The following GALP variants were observed in gnomAD, a reference collection of about 807,000 sequenced individuals.
The protein encoded by GALP is galanin like peptide.
A neutral mutation model predicts 15.2 loss-of-function variants in GALP; 12 were observed. The ratio of observed to expected loss-of-function variants is 0.79; its 90% CI spans 0.51 to 1.28. GALP has a LOEUF of 1.28. GALP is among the 50% of genes most tolerant of loss of function. The pLI, the probability that GALP is intolerant of heterozygous loss-of-function variation, is 0.00. For synonymous variants in GALP, 58 were observed against 55.1 expected, an observed-to-expected ratio of 1.05 and a Z score of -0.23; for missense variants, 161 against 145.6, an observed-to-expected ratio of 1.11 and a Z score of -0.55.
At position 56,183,073 on chromosome 19, in the gene GALP, C is replaced by T. The variant is rs112817488; in HGVS notation, c.218-62C>T. ...TCCCGTCTTTGTGTCTGTGTGTTCTCATCGTTTAGCTCCCACTTGTAACTA... is the reference window on the plus strand; with the variant it reads ...TCCCGTCTTTGTGTCTGTGTGTTCTTATCGTTTAGCTCCCACTTGTAACTA... On this transcript the variant is annotated intron_variant, in intron 4 of 5. Coordinates refer to ENST00000357330, the MANE Select transcript of GALP (RefSeq NM_033106.4). 96 of 1,179,768 alleles carry T rather than the reference C, an allele frequency of 8.1e-5. No individual in the cohort carries two copies. In the African/African-American group the frequency reaches 1.1e-3, roughly 13 times the overall value. 73.1% of individuals were successfully genotyped at this position (1,179,768 alleles called of 1,614,324 possible). A position where few individuals can be genotyped will look rare whatever the true frequency, so the allele number is the denominator to read the frequency against.
In GALP at chr19:56,183,756, T is replaced by C. The variant is rs553571728; in HGVS notation, c.295+544T>C. Among the ~76,000 whole-genome samples the C allele has an allele frequency of 8.8e-4, 134 of 151,980 alleles. 1 individual carries two copies. The highest frequency in any genetic ancestry group is 3.6e-3 in the Admixed American group (55 of 15,242). The stretch of plus-strand genomic sequence containing the variant: ...GGGATTACAGGCACGCGCCACCATG[T>C]CCGGCTAATTTTTGTATTTTTAGTA... On this transcript the variant is annotated intron_variant, in intron 5 of 5. Transcript: ENST00000357330.
chr19:56,180,202 C>A (rs11084424), intron 2 of GALP, among the ~76,000 whole-genome samples: 32,923 of 152,166 alleles, frequency 0.22, 4,239 homozygotes, highest in East Asian at 0.6. Flanking sequence ...ATGAGCACCA[C>A]CCCCAGGCTT....
chr19:56,184,626 G>A (rs2032624554), intron 5 of GALP, among the ~76,000 whole-genome samples: 1 of 151,538 alleles, frequency 6.6e-6, no homozygotes, highest in South Asian at 2.1e-4. Context: ...TGGGACTACA[G>A]GTGCCCACCA....
chr19:56,182,493 G>A (rs2032584364), intron 4 of GALP, among the ~76,000 whole-genome samples: 1 of 152,152 alleles, frequency 6.6e-6, no homozygotes, highest in Non-Finnish European at 1.5e-5. Context: ...TGGGCCCCGT[G>A]TTTTCTCTGC....
chr19:56,180,104 G>C (rs2032537512), intron 2 of GALP, among the ~76,000 whole-genome samples: 1 of 152,286 alleles, frequency 6.6e-6, no homozygotes, highest in East Asian at 1.9e-4. Context: ...GTAGAGGCGA[G>C]ATTTCGCCAT....
rs569960048 is a variant in GALP at position 56,181,768 on chromosome 19, C to G, written c.137-404C>G. Among the ~76,000 whole-genome samples the G allele has an allele frequency of 1.3e-5, 2 of 152,256 alleles. 1 individual carries two copies. The highest frequency in any genetic ancestry group is 3.9e-4 in the East Asian group (2 of 5,178). ...TTTCTCCAGTTGCATCTTCCCTGGG[C>G]AATAGGTGTGCCCATGGCCACGTGC... On this transcript the variant is annotated intron_variant, in intron 3 of 5. Transcript: ENST00000357330.
At chr19:56,179,554 G>A (rs2032526566) in intron 2 of GALP, among the ~76,000 whole-genome samples, 1 of 151,288 alleles carries the variant, frequency 6.6e-6, no homozygotes, top group Non-Finnish European at 1.5e-5. Context: ...TCCTGACCTC[G>A]TGATCCGCCA....
At chr19:56,180,915 CT>C (rs1174325788) in intron 3 of GALP, among the ~76,000 whole-genome samples, 140 of 40,146 alleles carry the variant, frequency 3.5e-3, no homozygotes, top group African/African-American at 0.011. Flanking sequence ...TTCTTTCTTT[CT>C]TTTTTTTTTT....
chr19:56,182,879 T>G (rs1164594035), intron 4 of GALP, among the ~76,000 whole-genome samples: 1 of 152,094 alleles, frequency 6.6e-6, no homozygotes. Flanking sequence ...TATTTTAGGT[T>G]TGGGGGTACA....
In GALP at chr19:56,184,325, G is replaced by T. The variant is rs1166541079; in HGVS notation, c.296-890G>T. 3.9e-5 allele frequency among the ~76,000 whole-genome samples: 6 copies of T among 152,202 alleles called. No homozygotes were observed. In the East Asian group the frequency reaches 1.2e-3, roughly 29 times the overall value. ...GGTACTTGGTAAATATTTGTTAAAT[G>T]AATGAATTAAACTATCCAAACACAG... On this transcript the variant is annotated intron_variant, in intron 5 of 5. Transcript: ENST00000357330.
rs768467796 is a variant in GALP, at chr19:56,185,260, T to C, written c.341T>C (p.Leu114Pro). The stretch of plus-strand genomic sequence containing the variant: ...AAAATTCCCAAGGAGGAAGATGTCC[T>C]GAAGTCATAGATGTCTTCAAATCCC... ...SMKIPKEEDV[L>P]KS Residue 114 changes from leucine to proline, a missense_variant, in exon 6 of 6, where the codon CTG (leucine) becomes CCG (proline). Leu to Pro is a moderately conservative substitution (Grantham distance 98). Transcript: ENST00000357330. 3 of 1,602,640 alleles carry C rather than the reference T, an allele frequency of 1.9e-6. No homozygotes were observed. The highest frequency in any genetic ancestry group is 1.1e-5 in the South Asian group (1 of 90,646).
rs116855181 is a variant in GALP at position 56,179,184 on chromosome 19, A to T, written c.88-1402A>T. On this transcript the variant is annotated intron_variant, in intron 2 of 5. Transcript: ENST00000357330. The stretch of plus-strand genomic sequence containing the variant: ...AGAGTGAGACGCGAGACTCCATCTC[A>T]AAATAAATAAATAAATAAATAAAGA... Among the ~76,000 whole-genome samples, 1,347 of 150,196 alleles carry T rather than the reference A, an allele frequency of 9.0e-3. 7 individuals carry two copies. The highest frequency in any genetic ancestry group is 0.026 in the South Asian group (126 of 4,822).
intron 3 of GALP, among the ~76,000 whole-genome samples, chr19:56,181,003 C>A (rs1246716049): frequency 6.8e-6 from 1 of 147,104 alleles, no homozygotes; most frequent in East Asian, 2.1e-4. Flanking sequence ...CAGCTCACTG[C>A]AACCTCCGCC....
chr19:56,181,390 C>T (rs1354973142), intron 3 of GALP, among the ~76,000 whole-genome samples: 1 of 140,472 alleles, frequency 7.1e-6, no homozygotes, highest in Non-Finnish European at 1.5e-5. Context: ...TTGTCTCTCT[C>T]TCTCCTTTTT....
chr19:56,183,068 G>A (rs1346190611), intron 4 of GALP, 67 bp from the exon 5 acceptor site: 2 of 1,114,100 alleles, frequency 1.8e-6, no homozygotes, highest in East Asian at 2.4e-5. Context: ...GTGTCTGTGT[G>A]TTCTCATCGT....
chr19:56,179,032 C>T (rs2032516056), intron 2 of GALP, among the ~76,000 whole-genome samples: 1 of 152,084 alleles, frequency 6.6e-6, no homozygotes, highest in East Asian at 1.9e-4. Flanking sequence ...CAAAAATTAG[C>T]TGGGCCTTGT....
intron 2 of GALP, among the ~76,000 whole-genome samples, chr19:56,179,286 T>G (rs2032520182): frequency 6.6e-6 from 1 of 151,438 alleles, no homozygotes; most frequent in Non-Finnish European, 1.5e-5. Context: ...GCAGAATCTT[T>G]CTGGGCCTCA....
intron 1 of GALP, among the ~76,000 whole-genome samples, chr19:56,176,853 G>A (rs1238730165): frequency 1.5e-5 from 2 of 130,280 alleles, no homozygotes; most frequent in Non-Finnish European, 3.2e-5. Context: ...AGAAGGCATG[G>A]GCGCTGGGGG....
intron 5 of GALP, among the ~76,000 whole-genome samples, chr19:56,183,720 C>G (rs1389240843): frequency 6.6e-6 from 1 of 151,924 alleles, no homozygotes; most frequent in African/African-American, 2.4e-5. Flanking sequence ...GCCTCAGCCT[C>G]CCGAGTAGCT....
Sources: gnomAD v4.1 joint callset for allele counts (sites outside exome capture counted in the v4.1 genomes callset) on GRCh38, gnomAD v4.1.1 for gene constraint, MANE v1.5 for transcripts, NCBI Gene and HGNC (gene_info 2026-07-23, HGNC 2026-07-21) for gene names.